PPP5C: variants seen among roughly 807,000 people sequenced by gnomAD.
The protein encoded by PPP5C is serine/threonine-protein phosphatase 5.
In PPP5C, 21 loss-of-function variants were observed where a neutral mutation model predicts 66.7. That is an observed-to-expected ratio of 0.31 (90% CI 0.22 to 0.45). The LOEUF is 0.45. Among genes scored for constraint, PPP5C ranks in the 20% least tolerant of loss-of-function variants. The pLI is 1.00. For synonymous variants in PPP5C, 246 were observed against 257.4 expected (o/e 0.96, Z 0.43); for missense variants, 464 against 675.9 (o/e 0.69, Z 3.48).
chr19:46,349,356 TAG>T (rs1270532876), intron 1 of PPP5C, among the ~76,000 whole-genome samples: 1 of 148,802 alleles, frequency 6.7e-6, no homozygotes, highest in Non-Finnish European at 1.5e-5. Context: ...TGGAAGAGAG[TAG>T]AGTCCAATAG....
chr19:46,390,741 G>A lies in PPP5C; in HGVS notation c.*395G>A, dbSNP rs1973007734. The A allele has an allele frequency of 8.8e-7, 1 of 1,136,930 alleles. No homozygotes were observed. The highest frequency in any genetic ancestry group is 1.1e-6 in the Non-Finnish European group (1 of 916,286). 70.4% of individuals were successfully genotyped at this position (1,136,930 alleles called of 1,614,324 possible). On this transcript the variant is annotated 3_prime_UTR_variant, in exon 13 of 13. Coordinates refer to ENST00000012443, the MANE Select transcript of PPP5C (RefSeq NM_006247.4). ...GAGGGTCAGCAGGGGGGCCCCGCCT[G>A]CGCCTCCCCTCCTATAGCCCCATGG...
At chr19:46,364,864 T>TA (rs1035752165) in intron 2 of PPP5C, among the ~76,000 whole-genome samples, 1 of 151,568 alleles carries the variant, frequency 6.6e-6, no homozygotes, top group African/African-American at 2.4e-5. Flanking sequence ...TTTACCTAGG[T>TA]ATTTGCAGGA....
chr19:46,372,068 C>T (rs955198929), intron 2 of PPP5C, among the ~76,000 whole-genome samples: 90 of 152,308 alleles, frequency 5.9e-4, no homozygotes, highest in African/African-American at 2.1e-3. Flanking sequence ...GATTACTCTC[C>T]AGTGGCATGT....
rs768105214 is a variant in PPP5C, at chr19:46,390,182, A to G, written c.1437+50A>G. 23 of 1,609,486 alleles carry G rather than the reference A, an allele frequency of 1.4e-5. No homozygotes were observed. The Admixed American group carries it at 3.8e-4, about 27-fold the overall frequency. ...CCCCTTCCATCCCGGCCTGGGGACAAGGAGGCTGAGACCCTGGTAAGGGGC... is the reference window on the plus strand; with the variant it reads ...CCCCTTCCATCCCGGCCTGGGGACAGGGAGGCTGAGACCCTGGTAAGGGGC... On this transcript the variant is annotated intron_variant, in intron 12 of 12. Coordinates refer to ENST00000012443, the MANE Select transcript of PPP5C (RefSeq NM_006247.4).
rs976124900 is a variant in PPP5C, at chr19:46,355,303, C to T, written c.363+1314C>T. 4.6e-5 allele frequency among the ~76,000 whole-genome samples: 7 copies of T among 152,186 alleles called. No homozygotes were observed. The East Asian group carries it at 1.2e-3, about 25-fold the overall frequency. On this transcript the variant is annotated intron_variant, in intron 2 of 12. Transcript: ENST00000012443. ...CCCCGACACAGACACACTTCACTCC[C>T]TCCTTCCCTTGCAACCATCACACTC...
intron 7 of PPP5C, among the ~76,000 whole-genome samples, chr19:46,385,577 C>T (rs894301075): frequency 7.2e-5 from 11 of 152,030 alleles, no homozygotes; most frequent in East Asian, 1.9e-4. Flanking sequence ...GTCAAGAGTT[C>T]GAAACCAGCC....
rs1436318627 is a variant in PPP5C at position 46,390,943 on chromosome 19, C to T, written c.*597C>T. On this transcript the variant is annotated 3_prime_UTR_variant, in exon 13 of 13. Coordinates refer to ENST00000012443, the MANE Select transcript of PPP5C (RefSeq NM_006247.4). ...GGAGGGTGGGGAGGCCGCAAAGTCC[C>T]GCTGGCCGGGCCCACCCAGCTCTGG... The T allele has an allele frequency of 5.1e-6, 6 of 1,177,104 alleles. No homozygotes were observed. Among genetic ancestry groups the T allele is most frequent in the South Asian group, 3.2e-5 (2 of 62,928 alleles). 72.9% of individuals were successfully genotyped at this position (1,177,104 alleles called of 1,614,324 possible). A position where few individuals can be genotyped will look rare whatever the true frequency, so the allele number is the denominator to read the frequency against.
chr19:46,356,490 G>T (rs753049776), intron 2 of PPP5C, among the ~76,000 whole-genome samples: 17 of 152,336 alleles, frequency 1.1e-4, no homozygotes, highest in Middle Eastern at 3.4e-3. Context: ...CCTTAGCCTC[G>T]GTTTCCTCAG....
intron 2 of PPP5C, among the ~76,000 whole-genome samples, chr19:46,359,959 A>G (rs1338190588): frequency 6.6e-6 from 1 of 151,672 alleles, no homozygotes; most frequent in Non-Finnish European, 1.5e-5. Context: ...TTGTATTTTT[A>G]CTAGAGACGG....
At chr19:46,387,654 T>C in intron 9 of PPP5C, 1 of 1,503,732 alleles carries the variant, frequency 6.7e-7, no homozygotes, top group Non-Finnish European at 8.9e-7. Flanking sequence ...GTCGTGACCA[T>C]GGTGCGGGGT....
Position 46,376,332 on chromosome 19 carries a change from C to T in PPP5C, c.512-121C>T, listed in dbSNP as rs1240486861. 41 of 1,327,734 alleles carry T rather than the reference C, an allele frequency of 3.1e-5. No individual in the cohort carries two copies. The highest frequency in any genetic ancestry group is 4.3e-5 in the Non-Finnish European group (41 of 961,302). 82.2% of individuals were successfully genotyped at this position (1,327,734 alleles called of 1,614,324 possible). On this transcript the variant is annotated intron_variant, in intron 3 of 12. Transcript: ENST00000012443. This position sits in a 1 kb window ranked among gnomAD's most constrained non-coding sequence, Gnocchi z 5.1. ...CCCAGGAGGGGACTCTTCACTCACT[C>T]TGTCCCGCTCTCGACCTGTGTGTCC... is the stretch of plus-strand genomic sequence containing the variant.
chr19:46,370,347 C>T (rs572147930), intron 2 of PPP5C, among the ~76,000 whole-genome samples: 1 of 152,112 alleles, frequency 6.6e-6, no homozygotes, highest in Non-Finnish European at 1.5e-5. Flanking sequence ...AACGAAGACA[C>T]AAACGCAGAC....
chr19:46,359,442 TA>T (rs892566755), intron 2 of PPP5C, among the ~76,000 whole-genome samples: 1 of 152,206 alleles, frequency 6.6e-6, no homozygotes, highest in Non-Finnish European at 1.5e-5. Flanking sequence ...GGGAGCCAGC[TA>T]AAAACATGAG....
chr19:46,373,823 C>T (rs1408426201), intron 2 of PPP5C, among the ~76,000 whole-genome samples: 1 of 152,178 alleles, frequency 6.6e-6, no homozygotes, highest in African/African-American at 2.4e-5. Flanking sequence ...GTGCCTGACC[C>T]AGCCTCTGGG....
At chr19:46,355,216 C>T (rs1246179899) in intron 2 of PPP5C, among the ~76,000 whole-genome samples, 1 of 152,238 alleles carries the variant, frequency 6.6e-6, no homozygotes, top group East Asian at 1.9e-4. Context: ...GCTTGTCCTG[C>T]GCATGGGGAT....
At chr19:46,384,763 C>CGG in intron 6 of PPP5C, 41 bp from the exon 7 acceptor site, 4 of 1,194,482 alleles carry the variant, frequency 3.3e-6, no homozygotes, top group Non-Finnish European at 3.8e-6. Context: ...CGCACCGCAC[C>CGG]CTTCCCCTCC....
In PPP5C at chr19:46,351,357, GCTC is replaced by G. The variant is rs200461527; in HGVS notation, c.122-2386_122-2384del. ...ATGTGGGTCGACCCGTGGAGTACAG[GCTC>G]CTCCCATTTCCTCTTGTTCCCTTCA... is the stretch of plus-strand genomic sequence containing the variant. On this transcript the variant is annotated intron_variant, in intron 1 of 12. Coordinates refer to ENST00000012443, the MANE Select transcript of PPP5C (RefSeq NM_006247.4). Among the ~76,000 whole-genome samples, 823 of 152,268 alleles carry G rather than the reference GCTC, an allele frequency of 5.4e-3. 9 individuals carry two copies. The highest frequency in any genetic ancestry group is 0.018 in the African/African-American group (742 of 41,540).
intron 2 of PPP5C, among the ~76,000 whole-genome samples, chr19:46,373,479 G>A (rs528880272): frequency 6.6e-6 from 1 of 152,342 alleles, no homozygotes; most frequent in Non-Finnish European, 1.5e-5. Flanking sequence ...CTCTAGAAGT[G>A]AGCTGTGTAT....
chr19:46,384,793 C>T lies in PPP5C; in HGVS notation c.799-11C>T, dbSNP rs1972854507. ...CCCTCCACGCTTGCCATGTTTTCCT[C>T]AGCAGGACAGATATTTAATGGTGAC... On this transcript the variant is annotated splice_polypyrimidine_tract_variant and intron_variant, in intron 6 of 12. Transcript: ENST00000012443. 1 of 1,605,550 alleles carries T rather than the reference C, an allele frequency of 6.2e-7. No individual in the cohort carries two copies. The highest frequency in any genetic ancestry group is 8.5e-7 in the Non-Finnish European group (1 of 1,172,520).
Sources: allele counts gnomAD v4.1 joint callset (sites outside exome capture counted in the v4.1 genomes callset), GRCh38; gene constraint gnomAD v4.1.1; non-coding constraint Gnocchi (gnomAD v3.1); transcripts MANE v1.5; gene names NCBI Gene and HGNC (gene_info 2026-07-23, HGNC 2026-07-21).